FGFR1: variants seen among roughly 807,000 people sequenced by gnomAD.
The protein encoded by FGFR1 is fibroblast growth factor receptor 1.
FGFR1 carries 18 observed loss-of-function variants against 93.7 expected under a neutral mutation model. The ratio of observed to expected loss-of-function variants is 0.19; its 90% CI spans 0.13 to 0.28. FGFR1 has a LOEUF of 0.28. Among genes scored for constraint, FGFR1 ranks in the 10% least tolerant of loss-of-function variants. FGFR1 has a pLI of 1.00. For missense variants in FGFR1, 731 were observed against 1,080.4 expected (o/e 0.68, Z 4.53); for synonymous variants, 448 against 429.3 (o/e 1.04, Z -0.54).
At chr8:38,443,938 A>G (rs2151158455) in intron 2 of FGFR1, among the ~76,000 whole-genome samples, 1 of 149,394 alleles carries the variant, frequency 6.7e-6, no homozygotes, top group South Asian at 2.1e-4. Context: ...CTGTAATCCC[A>G]CCTACTCAGG....
chr8:38,468,062 GCCCGCCGCC>G lies in FGFR1; in HGVS notation c.-179_-171del, dbSNP rs1373774347. 4 of 223,588 alleles carry G rather than the reference GCCCGCCGCC, an allele frequency of 1.8e-5. No individual in the cohort carries two copies. Among genetic ancestry groups the G allele is most frequent in the Non-Finnish European group, 3.6e-5 (4 of 111,928 alleles). The allele number at this position is 223,588 out of a possible 1,614,324, so 13.9% of individuals were successfully genotyped here. ...GCGTGTGCCCGCGTCCCCGGCTCCG[GCCCGCCGCC>G]CCCGGGCTCTGTTCGGGTCCTGGCG... On this transcript the variant is annotated 5_prime_UTR_variant, in exon 1 of 18. Coordinates refer to ENST00000447712, the MANE Select transcript of FGFR1 (RefSeq NM_023110.3).
At chr8:38,416,906 C>T (rs1816861199) in intron 12 of FGFR1, among the ~76,000 whole-genome samples, 1 of 152,090 alleles carries the variant, frequency 6.6e-6, no homozygotes, top group Non-Finnish European at 1.5e-5. Context: ...GCATGCGTGA[C>T]CATGCCTGGC....
At chr8:38,444,731 G>A (rs1828769676) in intron 2 of FGFR1, among the ~76,000 whole-genome samples, 1 of 152,058 alleles carries the variant, frequency 6.6e-6, no homozygotes, top group Non-Finnish European at 1.5e-5. Flanking sequence ...GTGGCTCTGT[G>A]GTAGCCAGGA....
intron 1 of FGFR1, among the ~76,000 whole-genome samples, chr8:38,466,895 A>ACCCCCC (rs35393411): frequency 7.4e-6 from 1 of 135,706 alleles, no homozygotes; most frequent in African/African-American, 3.0e-5. Flanking sequence ...TTCACACCCC[A>ACCCCCC]CCCCCCCCCC....
In FGFR1 at chr8:38,414,508, C is replaced by CTAG. The variant is rs1815586695; in HGVS notation, c.2048+48_2048+50dup. On this transcript the variant is annotated intron_variant, in intron 15 of 17. Coordinates refer to ENST00000447712, the MANE Select transcript of FGFR1 (RefSeq NM_023110.3). ...AGGGAGAAAGCAGGACTCTACAGTG[C>CTAG]TAGAAGCTCTCTATCCCACACCTCC... The CTAG allele has an allele frequency of 1.9e-6, 3 of 1,602,394 alleles. No homozygotes were observed. In the East Asian group the frequency reaches 6.7e-5, roughly 36 times the overall value.
intron 11 of FGFR1, 23 bp from the exon 12 acceptor site, chr8:38,417,439 C>T (rs1817070296): frequency 1.2e-6 from 2 of 1,600,400 alleles, no homozygotes; most frequent in Non-Finnish European, 1.7e-6. Context: ...CGTTGAGACT[C>T]ATTTACTTGG....
intron 1 of FGFR1, among the ~76,000 whole-genome samples, chr8:38,457,969 CGA>C (rs1163714106): frequency 6.6e-6 from 1 of 151,846 alleles, no homozygotes; most frequent in Non-Finnish European, 1.5e-5. Flanking sequence ...GGTGACAGAG[CGA>C]GATTCTGTCT....
At chr8:38,437,869 C>T (rs17182176) in intron 2 of FGFR1, among the ~76,000 whole-genome samples, 37 of 152,182 alleles carry the variant, frequency 2.4e-4, no homozygotes, top group African/African-American at 8.9e-4. Flanking sequence ...TTCACCAGCC[C>T]GGTCCCACAG....
At chr8:38,458,706 A>G (rs1372644162) in intron 1 of FGFR1, 1 of 221,756 alleles carries the variant, frequency 4.5e-6, no homozygotes, top group Non-Finnish European at 9.0e-6. Context: ...TCCATGCTCA[A>G]CTCCCCGACC....
At chr8:38,447,948 T>C (rs1306990036) in intron 2 of FGFR1, among the ~76,000 whole-genome samples, 3 of 152,196 alleles carry the variant, frequency 2.0e-5, no homozygotes, top group Non-Finnish European at 4.4e-5. Context: ...ATGCAAACTA[T>C]TGAAAATAAC....
In FGFR1 at chr8:38,412,647, G is replaced by A. The variant is rs1414311231; in HGVS notation, c.*981C>T. ...TGCGCCGGGAGCATGCGGTGCCCTC[G>A]GGACAGACCTAGCCCCAGGGCCCGT... On this transcript the variant is annotated 3_prime_UTR_variant, in exon 18 of 18. Transcript: ENST00000447712. The A allele has an allele frequency of 1.7e-5, 4 of 233,576 alleles. No homozygotes were observed. Among genetic ancestry groups the A allele is most frequent in the Non-Finnish European group, 3.4e-5 (4 of 118,076 alleles). 14.5% of individuals were successfully genotyped at this position (233,576 alleles called of 1,614,324 possible).
intron 2 of FGFR1, among the ~76,000 whole-genome samples, chr8:38,445,299 C>T (rs1391663015): frequency 2.6e-5 from 4 of 152,170 alleles, no homozygotes; most frequent in African/African-American, 4.8e-5. Context: ...CCTCTTCACC[C>T]GTTCTCCCTG....
In FGFR1 at chr8:38,419,548, C is replaced by A. The variant is rs144131616; in HGVS notation, c.1269G>T (p.Leu423=). 2 of 1,614,140 alleles carry A rather than the reference C, an allele frequency of 1.2e-6. No individual in the cohort carries two copies. The highest frequency in any genetic ancestry group is 1.7e-6 in the Non-Finnish European group (2 of 1,180,010). Residue 423 remains leucine (L), a synonymous_variant, in exon 9 of 18, where the codon CTG becomes CTT. Coordinates refer to ENST00000447712, the MANE Select transcript of FGFR1 (RefSeq NM_023110.3). ...AVHKLAKSIP[L]RRQVTVSADS... ...ATCTACTTTCTGTTACCTGTCTGCG[C>A]AGAGGGATGCTCTTGGCCAGCTTGT...
intron 2 of FGFR1, among the ~76,000 whole-genome samples, chr8:38,444,148 G>A (rs1429724308): frequency 6.7e-6 from 1 of 149,468 alleles, no homozygotes; most frequent in Non-Finnish European, 1.5e-5. Context: ...AAAAGTTGAT[G>A]ATCCTTTGTT....
chr8:38,419,833 GGA>G, intron 8 of FGFR1, 98 bp from the exon 9 acceptor site: 1 of 1,016,692 alleles, frequency 9.8e-7, no homozygotes. Context: ...CTGTCCCCTG[GGA>G]ACTTTTAGGG....
intron 2 of FGFR1, among the ~76,000 whole-genome samples, chr8:38,453,281 T>C (rs1490288933): frequency 6.6e-6 from 1 of 152,082 alleles, no homozygotes; most frequent in Non-Finnish European, 1.5e-5. Context: ...AACAACATGC[T>C]CCTCGCCATG....
At chr8:38,438,073 T>C (rs1219192046) in intron 2 of FGFR1, among the ~76,000 whole-genome samples, 1 of 152,152 alleles carries the variant, frequency 6.6e-6, no homozygotes, top group African/African-American at 2.4e-5. Flanking sequence ...GCTCACTATA[T>C]CCCATAGGCT....
At chr8:38,464,312 C>CAAAAAAAAA (rs56133772) in intron 1 of FGFR1, among the ~76,000 whole-genome samples, 2 of 82,378 alleles carry the variant, frequency 2.4e-5, no homozygotes, top group African/African-American at 4.6e-5. Flanking sequence ...GAGACTATCT[C>CAAAAAAAAA]AAAAAAAAAA....
At chr8:38,453,911 A>G (rs926769161) in intron 2 of FGFR1, among the ~76,000 whole-genome samples, 1 of 152,010 alleles carries the variant, frequency 6.6e-6, no homozygotes, top group Admixed American at 6.6e-5. Context: ...ACCAACCAAC[A>G]AACAAACAAA....
Sources: gnomAD v4.1 joint callset for allele counts (sites outside exome capture counted in the v4.1 genomes callset) on GRCh38, gnomAD v4.1.1 for gene constraint, MANE v1.5 for transcripts, NCBI Gene and HGNC (gene_info 2026-07-23, HGNC 2026-07-21) for gene names.